Variants in ITGBL1 observed in about 807,000 individuals in gnomAD.
ITGBL1 encodes the protein integrin subunit beta like 1, also known as integrin beta-like protein 1.
In ITGBL1, 51 loss-of-function variants were observed where a neutral mutation model predicts 68.5. The observed-to-expected ratio is 0.74, with a 90% CI of 0.59 to 0.94. The LOEUF is 0.94. ITGBL1 is among the 40% of genes least tolerant of loss of function. The pLI is 0.00. For synonymous variants in ITGBL1, 209 were observed against 227.3 expected, an observed-to-expected ratio of 0.92 and a Z score of 0.72; for missense variants, 649 against 647.4, an observed-to-expected ratio of 1.00 and a Z score of -0.03.
chr13:101,579,353 T>A lies in ITGBL1; in HGVS notation c.653T>A (p.Phe218Tyr). 8 of 1,613,896 alleles carry A rather than the reference T, an allele frequency of 5.0e-6. No individual in the cohort carries two copies. Among genetic ancestry groups the A allele is most frequent in the Non-Finnish European group, 6.8e-6 (8 of 1,179,886 alleles). Reference protein sequence around the residue: ...KAGWHGDKCEFQCDITPWESK... With the variant: ...KAGWHGDKCEYQCDITPWESK... ...GGTTGGCATGGAGATAAATGTGAAT[T>A]CCAGTGCGATATCACCCCCTGGGAA... Residue 218 changes from phenylalanine to tyrosine, a missense_variant, in exon 5 of 11, where the codon TTC (phenylalanine) becomes TAC (tyrosine). Phe to Tyr is a conservative substitution (Grantham distance 22). Coordinates refer to ENST00000376180, the MANE Select transcript of ITGBL1 (RefSeq NM_004791.3).
At chr13:101,473,303 C>T (rs4555001) in intron 2 of ITGBL1, among the ~76,000 whole-genome samples, 29,972 of 152,124 alleles carry the variant, frequency 0.2, 3,704 homozygotes, top group African/African-American at 0.34. Context: ...CCCCATCCGC[C>T]GGCAGCAGCC....
chr13:101,507,132 T>C (rs931535607), intron 2 of ITGBL1, among the ~76,000 whole-genome samples: 1 of 152,180 alleles, frequency 6.6e-6, no homozygotes, highest in African/African-American at 2.4e-5. Context: ...ATATGTAAAG[T>C]CAACCCTTTT....
intron 7 of ITGBL1, among the ~76,000 whole-genome samples, chr13:101,604,887 T>TATACACACAC: frequency 1.9e-3 from 43 of 22,144 alleles, no homozygotes; most frequent in African/African-American, 3.5e-3. Context: ...TATATATATA[T>TATACACACAC]ACACACACAC....
At chr13:101,570,201 G>A (rs2050250152) in intron 3 of ITGBL1, among the ~76,000 whole-genome samples, 1 of 152,048 alleles carries the variant, frequency 6.6e-6, no homozygotes, top group African/African-American at 2.4e-5. Flanking sequence ...TCATTGATTT[G>A]TTATTCATTT....
intron 7 of ITGBL1, among the ~76,000 whole-genome samples, chr13:101,671,279 G>A (rs897553282): frequency 3.3e-4 from 50 of 152,164 alleles, no homozygotes; most frequent in African/African-American, 1.1e-3. Flanking sequence ...ATTACATGAA[G>A]TGAAATAACT....
At chr13:101,474,994 GACA>G (rs1275698971) in intron 2 of ITGBL1, among the ~76,000 whole-genome samples, 1 of 152,142 alleles carries the variant, frequency 6.6e-6, no homozygotes, top group South Asian at 2.1e-4. Context: ...GGACAGTGAA[GACA>G]ACAATAAATA....
chr13:101,524,804 A>G (rs576654562), intron 2 of ITGBL1, among the ~76,000 whole-genome samples: 1 of 152,258 alleles, frequency 6.6e-6, no homozygotes, highest in Admixed American at 6.5e-5. Context: ...TATAGCTGTC[A>G]TCACTGATGT....
intron 2 of ITGBL1, among the ~76,000 whole-genome samples, chr13:101,482,245 C>T (rs2048635893): frequency 6.6e-6 from 1 of 151,762 alleles, no homozygotes; most frequent in African/African-American, 2.4e-5. Flanking sequence ...GTGGGTTAGC[C>T]ATTTCTCATT....
At chr13:101,590,751 G>A (rs150857087) in intron 6 of ITGBL1, among the ~76,000 whole-genome samples, 20 of 152,210 alleles carry the variant, frequency 1.3e-4, no homozygotes, top group African/African-American at 3.9e-4. Context: ...AAAGCCATTG[G>A]CTCCTGTGAA....
chr13:101,475,334 C>G lies in ITGBL1; in HGVS notation c.316+21234C>G, dbSNP rs913982797. ...AGTATCTATCAACCACAGAATTGAT[C>G]AAACAGAAGAAAGAATTAGTGAGTT... On this transcript the variant is annotated intron_variant, in intron 2 of 10. Coordinates refer to ENST00000376180, the MANE Select transcript of ITGBL1 (RefSeq NM_004791.3). Among the ~76,000 whole-genome samples, 5 of 152,010 alleles carry G rather than the reference C, an allele frequency of 3.3e-5. No homozygotes were observed. The East Asian group carries it at 9.7e-4, about 29-fold the overall frequency.
At chr13:101,643,909 T>TC (rs1303036406) in intron 7 of ITGBL1, among the ~76,000 whole-genome samples, 2 of 152,184 alleles carry the variant, frequency 1.3e-5, no homozygotes, top group African/African-American at 4.8e-5. Context: ...CCAAGCTCTT[T>TC]CTCTTCTTTC....
rs184693449 is a variant in ITGBL1, at chr13:101,527,333, A to T, written c.317-40366A>T. On this transcript the variant is annotated intron_variant, in intron 2 of 10. Transcript: ENST00000376180. The stretch of plus-strand genomic sequence containing the variant: ...GTTAGTTTGCATTTCCTATAATGTA[A>T]TATAAAAGGAATGTTGTACATTGTA... Among the ~76,000 whole-genome samples the T allele has an allele frequency of 7.2e-5, 11 of 152,266 alleles. No homozygotes were observed. In the East Asian group the frequency reaches 2.1e-3, roughly 29 times the overall value.
chr13:101,580,544 C>A (rs961186588), intron 5 of ITGBL1, among the ~76,000 whole-genome samples: 3 of 152,136 alleles, frequency 2.0e-5, no homozygotes, highest in Non-Finnish European at 4.4e-5. Context: ...CACCCATTAA[C>A]TTATCATTTA....
intron 7 of ITGBL1, among the ~76,000 whole-genome samples, chr13:101,661,194 A>T (rs1353730053): frequency 6.6e-6 from 1 of 151,978 alleles, no homozygotes; most frequent in Non-Finnish European, 1.5e-5. Flanking sequence ...AACTCAAAGA[A>T]TATTGTTTTT....
chr13:101,553,817 C>T (rs527264431), intron 2 of ITGBL1, among the ~76,000 whole-genome samples: 1 of 152,242 alleles, frequency 6.6e-6, no homozygotes, highest in Non-Finnish European at 1.5e-5. Flanking sequence ...TCTCATTGCC[C>T]AGGCAGAAGT....
At chr13:101,524,280 T>C (rs959859940) in intron 2 of ITGBL1, among the ~76,000 whole-genome samples, 2 of 152,116 alleles carry the variant, frequency 1.3e-5, no homozygotes, top group Non-Finnish European at 2.9e-5. Flanking sequence ...ACTCATGATA[T>C]GCTTCAGATT....
intron 7 of ITGBL1, among the ~76,000 whole-genome samples, chr13:101,644,877 T>G (rs2032508853): frequency 6.6e-6 from 1 of 152,228 alleles, no homozygotes; most frequent in Non-Finnish European, 1.5e-5. Flanking sequence ...TGTAATACCT[T>G]AAGAACTAGA....
At chr13:101,530,825 G>A (rs761416761) in intron 2 of ITGBL1, among the ~76,000 whole-genome samples, 4 of 152,006 alleles carry the variant, frequency 2.6e-5, no homozygotes, top group African/African-American at 7.2e-5. Context: ...GGGATATGTC[G>A]CATGTAAGCA....
chr13:101,600,119 G>A (rs2030267904), intron 7 of ITGBL1, among the ~76,000 whole-genome samples: 1 of 152,164 alleles, frequency 6.6e-6, no homozygotes, highest in African/African-American at 2.4e-5. Flanking sequence ...TCATTGAGCA[G>A]TGGTTTGTAG....
Sources: allele counts gnomAD v4.1 joint callset (sites outside exome capture counted in the v4.1 genomes callset), GRCh38; gene constraint gnomAD v4.1.1; transcripts MANE v1.5; gene names NCBI Gene and HGNC (gene_info 2026-07-23, HGNC 2026-07-21).